Variants in EPHA3 observed in about 807,000 individuals in gnomAD.
EPHA3 encodes the protein ephrin type-A receptor 3.
A neutral mutation model predicts 107.1 loss-of-function variants in EPHA3; 42 were observed. That is an observed-to-expected ratio of 0.39 (90% CI 0.31 to 0.51). The LOEUF (loss-of-function observed/expected upper bound fraction) is 0.51, where lower values mean the gene tolerates loss of function less well. EPHA3 is among the 20% of genes least tolerant of loss of function. The probability of loss-of-function intolerance (pLI) is 0.78; values close to 1 mark genes in which losing one functional copy is unlikely to be tolerated. For synonymous variants in EPHA3, 461 were observed against 424.8 expected (o/e 1.09, Z -1.05); for missense variants, 1,183 against 1,211.2 (o/e 0.98, Z 0.35).
At chr3:89,182,798 C>G (rs1443648741) in intron 2 of EPHA3, among the ~76,000 whole-genome samples, 1 of 151,762 alleles carries the variant, frequency 6.6e-6, no homozygotes, top group Non-Finnish European at 1.5e-5. Flanking sequence ...TGATGTCTCT[C>G]ACACTCCTTT....
At chr3:89,272,104 C>A (rs967266357) in intron 3 of EPHA3, among the ~76,000 whole-genome samples, 5 of 151,756 alleles carry the variant, frequency 3.3e-5, no homozygotes, top group Non-Finnish European at 7.4e-5. Context: ...ACGCATTAAT[C>A]GACTCTTTAA....
intron 3 of EPHA3, among the ~76,000 whole-genome samples, chr3:89,323,000 T>C (rs1185200265): frequency 6.6e-6 from 1 of 152,146 alleles, no homozygotes; most frequent in Non-Finnish European, 1.5e-5. Flanking sequence ...TTTTGTGATA[T>C]ATCTTTGTGA....
chr3:89,241,707 C>T (rs1704899730), intron 3 of EPHA3, among the ~76,000 whole-genome samples: 1 of 152,062 alleles, frequency 6.6e-6, no homozygotes. Context: ...TATCACCCCC[C>T]TGCATGATTT....
At chr3:89,158,219 C>T (rs1343594501) in intron 2 of EPHA3, among the ~76,000 whole-genome samples, 1 of 152,044 alleles carries the variant, frequency 6.6e-6, no homozygotes, top group African/African-American at 2.4e-5. Context: ...AAGATTTAAA[C>T]CTAAACAGCT....
At chr3:89,286,062 G>A (rs1413413563) in intron 3 of EPHA3, among the ~76,000 whole-genome samples, 28 of 151,524 alleles carry the variant, frequency 1.8e-4, no homozygotes, top group Non-Finnish European at 2.2e-4. Flanking sequence ...CCTGAGGAAG[G>A]AACTCAGATA....
chr3:89,233,635 A>G (rs965561733), intron 3 of EPHA3, among the ~76,000 whole-genome samples: 61 of 152,086 alleles, frequency 4.0e-4, no homozygotes, highest in African/African-American at 1.4e-3. Context: ...TCGGTTCCTC[A>G]ATTGGTGTTG....
chr3:89,466,877 T>C lies in EPHA3; in HGVS notation c.2691-5587T>C, dbSNP rs1367811011. Among the ~76,000 whole-genome samples, 3 of 151,018 alleles carry C rather than the reference T, an allele frequency of 2.0e-5. No homozygotes were observed. The East Asian group carries it at 5.8e-4, about 29-fold the overall frequency. ...CCCTCCTGTCTCTCTTTTTTAATCT[T>C]AAAATCAAAACAGCTAATTTTACCA... On this transcript the variant is annotated intron_variant, in intron 15 of 16. Transcript: ENST00000336596.
At chr3:89,137,550 T>G (rs1704342120) in intron 2 of EPHA3, among the ~76,000 whole-genome samples, 1 of 152,036 alleles carries the variant, frequency 6.6e-6, no homozygotes, top group Non-Finnish European at 1.5e-5. Context: ...TTAATGGCTA[T>G]GATGTATACA....
At chr3:89,265,054 T>C (rs1378821698) in intron 3 of EPHA3, among the ~76,000 whole-genome samples, 1 of 152,206 alleles carries the variant, frequency 6.6e-6, no homozygotes, top group Non-Finnish European at 1.5e-5. Flanking sequence ...AATTTTAACA[T>C]ATCCTTTGGA....
chr3:89,208,443 A>G lies in EPHA3; in HGVS notation c.154-1417A>G, dbSNP rs370663018. ...GGAAGGAAGAAAGAAAGAAAGAAAG[A>G]AAGAAAGAAAGAAAGAAAGAAAGAA... On this transcript the variant is annotated intron_variant, in intron 2 of 16. Coordinates refer to ENST00000336596, the MANE Select transcript of EPHA3 (RefSeq NM_005233.6). Among the ~76,000 whole-genome samples the G allele has an allele frequency of 3.9e-3, 378 of 98,092 alleles. 12 individuals carry two copies. Among genetic ancestry groups the G allele is most frequent in the African/African-American group, 0.011 (205 of 19,202 alleles). The allele number at this position is 98,092 out of a possible 152,430, so 64.4% of individuals were successfully genotyped here.
chr3:89,351,693 A>G (rs1202963829), intron 5 of EPHA3, among the ~76,000 whole-genome samples: 4 of 151,310 alleles, frequency 2.6e-5, no homozygotes, highest in Non-Finnish European at 5.9e-5. Flanking sequence ...ATGCTTTTAC[A>G]TAGTCTCAAT....
intron 5 of EPHA3, among the ~76,000 whole-genome samples, chr3:89,392,096 T>C (rs1708755485): frequency 6.6e-6 from 1 of 152,114 alleles, no homozygotes; most frequent in Non-Finnish European, 1.5e-5. Flanking sequence ...TTTCTCTTAA[T>C]AGGGGAACCA....
intron 3 of EPHA3, among the ~76,000 whole-genome samples, chr3:89,319,976 C>T (rs1707005579): frequency 6.6e-6 from 1 of 151,514 alleles, no homozygotes; most frequent in African/African-American, 2.4e-5. Flanking sequence ...TTATAAATGC[C>T]TTACAGGTAC....
At chr3:89,247,823 A>T (rs574243676) in intron 3 of EPHA3, among the ~76,000 whole-genome samples, 6 of 152,200 alleles carry the variant, frequency 3.9e-5, no homozygotes, top group Non-Finnish European at 7.4e-5. Context: ...TTCATTGATA[A>T]CATAGACACT....
chr3:89,160,476 T>C (rs1704904754), intron 2 of EPHA3, among the ~76,000 whole-genome samples: 1 of 151,806 alleles, frequency 6.6e-6, no homozygotes, highest in African/African-American at 2.4e-5. Flanking sequence ...CTTAAGTAAA[T>C]AATTATAAAT....
intron 3 of EPHA3, among the ~76,000 whole-genome samples, chr3:89,229,200 A>C (rs903560001): frequency 6.6e-6 from 1 of 152,028 alleles, no homozygotes; most frequent in African/African-American, 2.4e-5. Context: ...AAGTGGTATC[A>C]GTTCTTGGCT....
At position 89,341,978 on chromosome 3, in the gene EPHA3, C is replaced by A; in HGVS notation, c.1194C>A (p.Asp398Glu). The change falls in exon 5 of 17, where the codon GAC (aspartate) becomes GAA (glutamate). Residue 398 changes from aspartate (D) to glutamate (E), a missense_variant. By Grantham distance (45) the Asp-to-Glu change is conservative. Coordinates refer to ENST00000336596, the MANE Select transcript of EPHA3 (RefSeq NM_005233.6). The part of the protein sequence containing the change: ...GLTNTTVTVT[D>E]LLAHTNYTFE... ...CCAACACCACGGTGACAGTGACAGA[C>A]CTTCTGGCACATACTAACTACACCT... 6.2e-7 allele frequency: 1 copy of A among 1,613,254 alleles called. No homozygotes were observed. The highest frequency in any genetic ancestry group is 1.1e-5 in the South Asian group (1 of 90,956).
intron 5 of EPHA3, among the ~76,000 whole-genome samples, chr3:89,393,886 CTT>C (rs1708794079): frequency 1.3e-5 from 2 of 151,906 alleles, no homozygotes. Context: ...AGAAAAATAA[CTT>C]ATCTTTTGCT....
intron 5 of EPHA3, among the ~76,000 whole-genome samples, chr3:89,383,495 C>T (rs1708550353): frequency 6.6e-6 from 1 of 152,048 alleles, no homozygotes; most frequent in South Asian, 2.1e-4. Flanking sequence ...TGCAAGCATC[C>T]ACCTGCCCTG....
Sources: gnomAD v4.1 joint callset for allele counts (sites outside exome capture counted in the v4.1 genomes callset) on GRCh38, gnomAD v4.1.1 for gene constraint, MANE v1.5 for transcripts, NCBI Gene and HGNC (gene_info 2026-07-23, HGNC 2026-07-21) for gene names.